Variants in EPHA6 observed in about 807,000 individuals in gnomAD.
EPHA6 encodes the protein EPH receptor A6.
In EPHA6, 50 loss-of-function variants were observed where a neutral mutation model predicts 112.0. The observed-to-expected ratio is 0.45, with a 90% CI of 0.36 to 0.56. The LOEUF is 0.56. Among genes scored for constraint, EPHA6 ranks in the 20% least tolerant of loss-of-function variants. The probability of loss-of-function intolerance (pLI) is 0.00; values close to 1 mark genes in which losing one functional copy is unlikely to be tolerated. For missense variants in EPHA6, 1,280 were observed against 1,417.4 expected, an observed-to-expected ratio of 0.90 and a Z score of 1.56; for synonymous variants, 529 against 490.7, an observed-to-expected ratio of 1.08 and a Z score of -1.03.
intron 9 of EPHA6, among the ~76,000 whole-genome samples, chr3:97,482,369 A>G (rs1164901323): frequency 1.3e-5 from 2 of 152,220 alleles, no homozygotes; most frequent in East Asian, 1.9e-4. Flanking sequence ...AATTCTACTA[A>G]GTTGTTATGA....
At chr3:96,960,555 A>G (rs547663447) in intron 2 of EPHA6, among the ~76,000 whole-genome samples, 1 of 152,326 alleles carries the variant, frequency 6.6e-6, no homozygotes, top group Admixed American at 6.5e-5. Flanking sequence ...TATAGTCTAC[A>G]AAGTACAAAA....
intron 10 of EPHA6, among the ~76,000 whole-genome samples, chr3:97,529,005 C>T (rs1336609651): frequency 6.6e-6 from 1 of 152,114 alleles, no homozygotes; most frequent in East Asian, 1.9e-4. Flanking sequence ...AATAGTGAAG[C>T]ATTCCTAGGA....
At chr3:97,020,076 G>A (rs1376913613) in intron 3 of EPHA6, among the ~76,000 whole-genome samples, 1 of 152,106 alleles carries the variant, frequency 6.6e-6, no homozygotes, top group Non-Finnish European at 1.5e-5. Flanking sequence ...CCAGTTCTGA[G>A]CCTATGCCTC....
At chr3:97,402,138 A>C (rs1481638663) in intron 5 of EPHA6, among the ~76,000 whole-genome samples, 2 of 152,042 alleles carry the variant, frequency 1.3e-5, no homozygotes, top group Non-Finnish European at 2.9e-5. Context: ...CAGCTGTTGG[A>C]TGAAATGTTT....
intron 3 of EPHA6, among the ~76,000 whole-genome samples, chr3:97,136,814 A>C (rs1286396776): frequency 1.3e-5 from 2 of 152,216 alleles, no homozygotes; most frequent in Non-Finnish European, 2.9e-5. Flanking sequence ...TTAAAGTGTG[A>C]TGGTTAAATA....
chr3:97,185,031 G>A (rs192178760), intron 3 of EPHA6, among the ~76,000 whole-genome samples: 227 of 152,248 alleles, frequency 1.5e-3, no homozygotes, highest in Non-Finnish European at 2.3e-3. Context: ...GCTGAAACTG[G>A]ATCCCTTCCT....
At chr3:97,673,182 T>A (rs2107663033) in intron 14 of EPHA6, among the ~76,000 whole-genome samples, 1 of 152,334 alleles carries the variant, frequency 6.6e-6, no homozygotes, top group African/African-American at 2.4e-5. Context: ...TTCCTTGAAG[T>A]CAGAGTTGAA....
At position 97,350,183 on chromosome 3, in the gene EPHA6, T is replaced by A. The variant is rs186291853; in HGVS notation, c.1607-54967T>A. On this transcript the variant is annotated intron_variant, in intron 5 of 17. Coordinates refer to ENST00000389672, the MANE Select transcript of EPHA6 (RefSeq NM_001080448.3). ...GAGATATCTGGAATATTAACAGTGGTCTTGTGACACTGAAGCAGAAAGCCT... is the reference window on the plus strand; with the variant it reads ...GAGATATCTGGAATATTAACAGTGGACTTGTGACACTGAAGCAGAAAGCCT... 2.3e-3 allele frequency among the ~76,000 whole-genome samples: 344 copies of A among 152,122 alleles called. 3 individuals carry two copies. The highest frequency in any genetic ancestry group is 8.0e-3 in the African/African-American group (332 of 41,504).
chr3:97,041,635 A>G (rs1204441914), intron 3 of EPHA6, among the ~76,000 whole-genome samples: 1 of 152,070 alleles, frequency 6.6e-6, no homozygotes, highest in African/African-American at 2.4e-5. Flanking sequence ...TTAAAAGACT[A>G]CCTGAGACTG....
At chr3:96,851,170 T>C (rs2035360808) in intron 1 of EPHA6, among the ~76,000 whole-genome samples, 1 of 152,096 alleles carries the variant, frequency 6.6e-6, no homozygotes, top group African/African-American at 2.4e-5. Context: ...ATTATCTGAG[T>C]GATCTTAAGT....
At chr3:97,196,511 T>A (rs866408794) in intron 3 of EPHA6, among the ~76,000 whole-genome samples, 5 of 152,020 alleles carry the variant, frequency 3.3e-5, no homozygotes, top group South Asian at 2.1e-4. Flanking sequence ...TTTTGTGAGG[T>A]CATGTTTTCC....
intron 16 of EPHA6, among the ~76,000 whole-genome samples, chr3:97,741,956 T>C (rs1441680212): frequency 1.3e-5 from 2 of 152,044 alleles, no homozygotes; most frequent in Non-Finnish European, 2.9e-5. Flanking sequence ...ATAGTCCATA[T>C]ATCCCCCAAA....
At chr3:97,316,096 A>G (rs1369542557) in intron 5 of EPHA6, among the ~76,000 whole-genome samples, 1 of 151,812 alleles carries the variant, frequency 6.6e-6, no homozygotes, top group Non-Finnish European at 1.5e-5. Context: ...ATTGTGTCAT[A>G]TTAAATGATT....
chr3:97,005,179 A>C (rs1165423214), intron 3 of EPHA6, among the ~76,000 whole-genome samples: 2 of 152,134 alleles, frequency 1.3e-5, no homozygotes, highest in Non-Finnish European at 2.9e-5. Context: ...TGATGGGAAT[A>C]GCATTGAATC....
At chr3:96,877,913 GTATA>G (rs199836054) in intron 2 of EPHA6, among the ~76,000 whole-genome samples, 40 of 131,228 alleles carry the variant, frequency 3.0e-4, no homozygotes, top group African/African-American at 1.4e-3. Context: ...ATGTGTGTGT[GTATA>G]TATATATATA....
At chr3:96,955,575 C>A (rs2041725175) in intron 2 of EPHA6, among the ~76,000 whole-genome samples, 1 of 151,994 alleles carries the variant, frequency 6.6e-6, no homozygotes, top group African/African-American at 2.4e-5. Flanking sequence ...TGGTAAATTT[C>A]AAGACTAATG....
At chr3:96,875,992 AT>A (rs1015999675) in intron 2 of EPHA6, among the ~76,000 whole-genome samples, 1 of 151,350 alleles carries the variant, frequency 6.6e-6, no homozygotes, top group Non-Finnish European at 1.5e-5. Flanking sequence ...GCAAGTTCTA[AT>A]TGTTTTACTT....
At position 97,479,268 on chromosome 3, in the gene EPHA6, GTT is replaced by G. The variant is rs374643571; in HGVS notation, c.2004-16_2004-15del. 1.2e-5 allele frequency: 14 copies of G among 1,180,858 alleles called. No homozygotes were observed. The highest frequency in any genetic ancestry group is 6.5e-5 in the South Asian group (4 of 61,930). The allele number at this position is 1,180,858 out of a possible 1,614,324, so 73.1% of individuals were successfully genotyped here. A position where few individuals can be genotyped will look rare whatever the true frequency, so the allele number is the denominator to read the frequency against. On this transcript the variant is annotated intron_variant, in intron 8 of 17. Transcript: ENST00000389672. ...GTATGCATCATACTTCTTAAAACAA[GTT>G]TTTTTTTTTAATCTTTTTAAAAGAT...
In EPHA6 at chr3:97,405,233, A is replaced by G. The variant is rs760437288; in HGVS notation, c.1690A>G (p.Asn564Asp). Residue 564 changes from asparagine to aspartate, a missense_variant, in exon 6 of 18, where the codon AAT becomes GAT. By Grantham distance (23) the Asn-to-Asp change is conservative. Coordinates refer to ENST00000389672, the MANE Select transcript of EPHA6 (RefSeq NM_001080448.3). ...ATCATGGCAAGCACCTGCTTTTTCC[A>G]ATGGAGCCATTCTGGACTACGAGAT... ...ALSWQAPAFSNGAILDYEIKY... is the reference protein window; with the variant it reads ...ALSWQAPAFSDGAILDYEIKY... 6 of 1,611,424 alleles carry G rather than the reference A, an allele frequency of 3.7e-6. No homozygotes were observed. Among genetic ancestry groups the G allele is most frequent in the Admixed American group, 1.7e-5 (1 of 59,672 alleles).
Sources: allele counts gnomAD v4.1 joint callset (sites outside exome capture counted in the v4.1 genomes callset), GRCh38; gene constraint gnomAD v4.1.1; transcripts MANE v1.5; gene names NCBI Gene and HGNC (gene_info 2026-07-23, HGNC 2026-07-21).